The following MACROD1 variants were observed in gnomAD, a reference collection of about 807,000 sequenced individuals.
MACROD1 encodes ADP-ribose glycohydrolase MACROD1.
In MACROD1, 31 loss-of-function variants were observed where a neutral mutation model predicts 41.4. The ratio of observed to expected loss-of-function variants is 0.75; its 90% CI spans 0.56 to 1.01. MACROD1 has a LOEUF of 1.01. MACROD1 is among the 50% of genes least tolerant of loss of function. The pLI, the probability that MACROD1 is intolerant of heterozygous loss-of-function variation, is 0.00. For synonymous variants in MACROD1, 252 were observed against 203.4 expected (o/e 1.24, Z -2.03); for missense variants, 473 against 460.0 (o/e 1.03, Z -0.26).
intron 3 of MACROD1, among the ~76,000 whole-genome samples, chr11:64,145,293 G>T (rs978371026): frequency 6.6e-6 from 1 of 152,154 alleles, no homozygotes; most frequent in African/African-American, 2.4e-5. Context: ...TAGCTGACCC[G>T]CCTCGCCTCC....
chr11:64,001,259 C>T, intron 4 of MACROD1: 1 of 609,722 alleles, frequency 1.6e-6, no homozygotes, highest in Non-Finnish European at 2.9e-6. Context: ...CTGCCCCTTC[C>T]CCTCTCTGGC....
At chr11:64,093,131 G>A (rs1944519517) in intron 3 of MACROD1, among the ~76,000 whole-genome samples, 1 of 152,202 alleles carries the variant, frequency 6.6e-6, no homozygotes, top group African/African-American at 2.4e-5. Context: ...TTTCTCAGGT[G>A]GAAAATTGGA....
At chr11:64,124,608 A>G (rs1945149651) in intron 3 of MACROD1, among the ~76,000 whole-genome samples, 5 of 151,948 alleles carry the variant, frequency 3.3e-5, no homozygotes, top group Admixed American at 3.3e-4. Flanking sequence ...AGTGGGGGTC[A>G]GGCCCCCTTT....
intron 3 of MACROD1, among the ~76,000 whole-genome samples, chr11:64,084,957 G>A (rs1347857291): frequency 2.0e-5 from 3 of 152,240 alleles, no homozygotes; most frequent in Non-Finnish European, 4.4e-5. Context: ...AAGGGTTTCC[G>A]TCTATGGGGA....
At chr11:64,001,513 G>A (rs1300829647) in intron 4 of MACROD1, 4 of 702,284 alleles carry the variant, frequency 5.7e-6, no homozygotes, top group Admixed American at 2.0e-5. Flanking sequence ...CAGTTCCAGG[G>A]ATGCCAGGTA....
intron 3 of MACROD1, among the ~76,000 whole-genome samples, chr11:64,126,680 C>T (rs370225061): frequency 5.9e-5 from 9 of 152,102 alleles, no homozygotes; most frequent in South Asian, 2.1e-4. Flanking sequence ...CAGCCCCTGG[C>T]GGCCAAGGGG....
At position 64,120,162 on chromosome 11, in the gene MACROD1, C is replaced by T. The variant is rs1405864028; in HGVS notation, c.517+31077G>A. ...AGTGAGGAGATGGGGCTGAAAGGAG[C>T]GGACACAACAGCCACGTGGAAAGTG... On this transcript the variant is annotated intron_variant, in intron 3 of 10. Transcript: ENST00000255681. This position sits in a 1 kb window ranked among gnomAD's most constrained non-coding sequence, Gnocchi z 4.5. Among the ~76,000 whole-genome samples, 5 of 152,150 alleles carry T rather than the reference C, an allele frequency of 3.3e-5. No individual in the cohort carries two copies. The highest frequency in any genetic ancestry group is 6.5e-5 in the Admixed American group (1 of 15,282).
intron 3 of MACROD1, among the ~76,000 whole-genome samples, chr11:64,131,345 C>A (rs1046288329): frequency 6.7e-6 from 1 of 148,796 alleles, no homozygotes; most frequent in East Asian, 2.0e-4. Flanking sequence ...GGGACGTTTT[C>A]TTTTTTTTGA....
chr11:64,161,001 G>A (rs928767278), intron 1 of MACROD1, among the ~76,000 whole-genome samples: 8 of 151,506 alleles, frequency 5.3e-5, no homozygotes, highest in Admixed American at 1.3e-4. Context: ...GTGAAACTCC[G>A]TCTCTACTAA....
chr11:64,001,393 G>A lies in MACROD1; in HGVS notation c.548-1050C>T. The A allele has an allele frequency of 4.3e-6, 3 of 702,062 alleles. No homozygotes were observed. In the South Asian group the frequency reaches 4.4e-5, roughly 10 times the overall value. The allele number at this position is 702,062 out of a possible 1,614,324, so 43.5% of individuals were successfully genotyped here. ...ATCGCCCACGCCAGGAGCTCCTCAG[G>A]CACCAGCTGCCTGGTGCTCACAGGC... On this transcript the variant is annotated intron_variant, in intron 4 of 10. Transcript: ENST00000255681.
chr11:64,061,326 GAGCCTCCGCCCCC>G (rs1943899743), intron 3 of MACROD1, among the ~76,000 whole-genome samples: 1 of 152,168 alleles, frequency 6.6e-6, no homozygotes, highest in Admixed American at 6.5e-5. Flanking sequence ...CCTTCACGCT[GAGCCTCCGCCCCC>G]AGCCCGCAGC....
intron 3 of MACROD1, among the ~76,000 whole-genome samples, chr11:64,019,074 C>T (rs927776575): frequency 2.0e-5 from 3 of 152,110 alleles, no homozygotes; most frequent in East Asian, 1.9e-4. Flanking sequence ...CGGCACAGTT[C>T]GCTTTGGCTC....
At chr11:64,131,814 C>CA (rs1415655316) in intron 3 of MACROD1, among the ~76,000 whole-genome samples, 1 of 152,150 alleles carries the variant, frequency 6.6e-6, no homozygotes, top group Admixed American at 6.5e-5. Flanking sequence ...GTGCTGCCTG[C>CA]CGGTAAGTGT....
intron 3 of MACROD1, among the ~76,000 whole-genome samples, chr11:64,089,649 C>G (rs1213395326): frequency 6.6e-6 from 1 of 152,226 alleles, no homozygotes; most frequent in Non-Finnish European, 1.5e-5. Context: ...TGGCCCCACT[C>G]CTGGGGTGGA....
At chr11:64,101,246 A>G (rs1223742103) in intron 3 of MACROD1, among the ~76,000 whole-genome samples, 1 of 152,120 alleles carries the variant, frequency 6.6e-6, no homozygotes, top group Non-Finnish European at 1.5e-5. Context: ...AGTGGGAGAC[A>G]CGGCTGGTGG....
intron 3 of MACROD1, among the ~76,000 whole-genome samples, chr11:64,032,314 C>T (rs953611133): frequency 1.3e-5 from 2 of 152,204 alleles, no homozygotes; most frequent in South Asian, 2.1e-4. Context: ...ACTGGACTCT[C>T]GCTAGCCCTG....
intron 3 of MACROD1, among the ~76,000 whole-genome samples, chr11:64,100,148 C>T (rs544191646): frequency 1.3e-5 from 2 of 152,280 alleles, no homozygotes; most frequent in Admixed American, 1.3e-4. Context: ...GCTAGCCATG[C>T]TGTCTTCCCA....
intron 3 of MACROD1, among the ~76,000 whole-genome samples, chr11:64,111,664 G>A (rs572528973): frequency 1.3e-5 from 2 of 152,276 alleles, no homozygotes; most frequent in East Asian, 3.9e-4. Flanking sequence ...AGGGGGGTGG[G>A]TGAGGTCTGG....
At chr11:64,145,822 T>C (rs889560424) in intron 3 of MACROD1, among the ~76,000 whole-genome samples, 1 of 150,988 alleles carries the variant, frequency 6.6e-6, no homozygotes, top group South Asian at 2.1e-4. Context: ...CAGGATGGAG[T>C]GCAGTGGCAC....
Sources: allele counts gnomAD v4.1 joint callset (sites outside exome capture counted in the v4.1 genomes callset), GRCh38; gene constraint gnomAD v4.1.1; non-coding constraint Gnocchi (gnomAD v3.1); transcripts MANE v1.5; gene names NCBI Gene and HGNC (gene_info 2026-07-23, HGNC 2026-07-21).